The following ITGB7 variants were observed in gnomAD, a reference collection of about 807,000 sequenced individuals.
ITGB7 encodes the protein integrin subunit beta 7.
A neutral mutation model predicts 83.4 loss-of-function variants in ITGB7; 55 were observed. The observed-to-expected ratio is 0.66, with a 90% CI of 0.53 to 0.83. ITGB7 has a LOEUF of 0.83. ITGB7 is among the 40% of genes least tolerant of loss of function. The pLI is 0.00. For synonymous variants in ITGB7, 454 were observed against 423.6 expected, an observed-to-expected ratio of 1.07 and a Z score of -0.88; for missense variants, 921 against 1,046.7, an observed-to-expected ratio of 0.88 and a Z score of 1.66.
chr12:53,197,856 G>A lies in ITGB7; in HGVS notation c.297C>T (p.Pro99=). The A allele has an allele frequency of 1.3e-6, 2 of 1,532,780 alleles. No homozygotes were observed. Among genetic ancestry groups the A allele is most frequent in the South Asian group, 1.2e-5 (1 of 84,024 alleles). The allele number at this position is 1,532,780 out of a possible 1,614,324, so 94.9% of individuals were successfully genotyped here. A position where few individuals can be genotyped will look rare whatever the true frequency, so the allele number is the denominator to read the frequency against. ...RGCPLEELEE[P]RGQQEVLQDQ... is the part of the protein sequence containing the mutation. The stretch of plus-strand genomic sequence containing the variant: ...CCTGCAGCACCTCCTGCTGGCCGCG[G>A]GGCTCCTCCAGCTCCTCCAGCGGGC... The change falls in exon 4 of 16, where the codon CCC becomes CCT. Residue 99 remains proline (P), a synonymous_variant. Coordinates refer to ENST00000267082, the MANE Select transcript of ITGB7 (RefSeq NM_000889.3).
intron 5 of ITGB7, 140 bp from the exon 6 acceptor site, chr12:53,196,960 G>A: frequency 1.1e-6 from 1 of 933,008 alleles, no homozygotes. Context: ...CCTGGTAACT[G>A]GCAAGCAAAG....
At position 53,192,413 on chromosome 12, in the gene ITGB7, C is replaced by T. The variant is rs1379621736; in HGVS notation, c.2072G>A (p.Arg691Gln). The T allele has an allele frequency of 8.7e-6, 14 of 1,614,108 alleles. No individual in the cohort carries two copies. The highest frequency in any genetic ancestry group is 2.2e-5 in the South Asian group (2 of 91,064). ...GAAGAACAGCTGGTTGTCCAGGGTC[C>T]GCTCTTTGCACCAGCCATCATCCAA... Reference protein sequence around the residue: ...PILDDGWCKERTLDNQLFFFL... With the variant: ...PILDDGWCKEQTLDNQLFFFL... The change falls in exon 14 of 16, where the codon CGG becomes CAG. Residue 691 changes from arginine to glutamine, a missense_variant. Arg to Gln is a conservative substitution (Grantham distance 43, BLOSUM62 1). Transcript: ENST00000267082.
chr12:53,195,680 T>A lies in ITGB7; in HGVS notation c.1017A>T (p.Ala339=). The A allele has an allele frequency of 1.2e-6, 2 of 1,614,082 alleles. No individual in the cohort carries two copies. Among genetic ancestry groups the A allele is most frequent in the Non-Finnish European group, 1.7e-6 (2 of 1,179,974 alleles). ...SVGQVAQALS[A]ANIQPIFAVT... ...CAGCAAAGATGGGCTGGATATTTGCTGCAGAGAGGGCCTGGGCTACCTGAC... is the reference window on the plus strand; with the variant it reads ...CAGCAAAGATGGGCTGGATATTTGCAGCAGAGAGGGCCTGGGCTACCTGAC... The change falls in exon 8 of 16, where the codon GCA becomes GCT. Residue 339 remains alanine, a synonymous_variant. Transcript: ENST00000267082.
Position 53,193,851 on chromosome 12 carries a change from A to ATGGGGCTCTGGGAGGCAGTGGGTGGCT in ITGB7, c.1332_1358dup (p.Gln444_Pro452dup). On this transcript the variant is annotated inframe_insertion, in exon 11 of 16. Transcript: ENST00000267082. ...AGCCAAGGGCCCGGAGCCTCAGGAG[A>ATGGGGCTCTGGGAGGCAGTGGGTGGCT]TGGGGCTCTGGGAGGCAGTGGGTGG... 6.2e-7 allele frequency: 1 copy of ATGGGGCTCTGGGAGGCAGTGGGTGGCT among 1,613,958 alleles called. No individual in the cohort carries two copies. The highest frequency in any genetic ancestry group is 8.5e-7 in the Non-Finnish European group (1 of 1,179,956).
intron 8 of ITGB7, 41 bp downstream of exon 8, chr12:53,195,585 T>G (rs752105636): frequency 6.4e-7 from 1 of 1,570,010 alleles, no homozygotes; most frequent in South Asian, 1.1e-5. Context: ...TGAGAAAGGT[T>G]GGGATGGGGC....
At chr12:53,194,000 G>A in intron 10 of ITGB7, 99 bp from the exon 11 acceptor site, 1 of 1,346,138 alleles carries the variant, frequency 7.4e-7, no homozygotes, top group South Asian at 1.4e-5. Flanking sequence ...GTAAATGAAG[G>A]GATGGGGTCA....
At chr12:53,202,128 G>A (rs75215316) in intron 1 of ITGB7, among the ~76,000 whole-genome samples, 1 of 151,964 alleles carries the variant, frequency 6.6e-6, no homozygotes, top group African/African-American at 2.4e-5. Flanking sequence ...GGAGGCCGAG[G>A]CAGGTGGATC....
intron 15 of ITGB7, 75 bp from the exon 16 acceptor site, chr12:53,191,711 C>A: frequency 6.5e-7 from 1 of 1,535,936 alleles, no homozygotes; most frequent in Non-Finnish European, 9.0e-7. Flanking sequence ...AAGAGGCCAG[C>A]CTTGAGCCGA....
At chr12:53,196,452 T>C in intron 6 of ITGB7, 127 bp downstream of exon 6, 2 of 1,330,776 alleles carry the variant, frequency 1.5e-6, no homozygotes. Context: ...AGGTAATTGC[T>C]AAATATACAA....
chr12:53,196,470 C>T (rs1942163750), intron 6 of ITGB7, 109 bp downstream of exon 6: 2 of 1,390,466 alleles, frequency 1.4e-6, no homozygotes, highest in East Asian at 2.4e-5. Flanking sequence ...CAAACTACAG[C>T]AACTATGGTA....
rs575232324 is a variant in ITGB7, at chr12:53,194,771, A to G, written c.1162-427T>C. 17 of 176,594 alleles carry G rather than the reference A, an allele frequency of 9.6e-5. No individual in the cohort carries two copies. In the East Asian group the frequency reaches 1.7e-3, roughly 18 times the overall value. 10.9% of individuals were successfully genotyped at this position (176,594 alleles called of 1,614,324 possible). On this transcript the variant is annotated intron_variant, in intron 9 of 15. Transcript: ENST00000267082. ...GGTTTAGGAGATGCTCCCTGTTATC[A>G]AGAAGCCTACAGCCTAGTTGCAGAG... is the stretch of plus-strand genomic sequence containing the variant.
At position 53,195,638 on chromosome 12, in the gene ITGB7, C is replaced by T; in HGVS notation, c.1059G>A (p.Leu353=). The part of the protein sequence containing the change: ...QPIFAVTSAA[L]PVYQELSKLI... ...AGACAGCTCTCACCTGGTAGACAGG[C>T]AGTGCGGCACTGGTGACAGCAAAGA... The change falls in exon 8 of 16, where the codon CTG becomes CTA. Residue 353 remains leucine, a synonymous_variant. Transcript: ENST00000267082. 1.2e-6 allele frequency: 2 copies of T among 1,613,788 alleles called. No homozygotes were observed. Among genetic ancestry groups the T allele is most frequent in the African/African-American group, 1.3e-5 (1 of 75,008 alleles).
rs999733791 is a variant in ITGB7, at chr12:53,200,278, G to T, written c.166C>A (p.Leu56Ile). The change falls in exon 3 of 16, where the codon CTC (leucine) becomes ATC (isoleucine). Residue 56 changes from leucine (L) to isoleucine (I), a missense_variant. Leu to Ile is a conservative substitution (Grantham distance 5). Transcript: ENST00000267082. ...CACCATGCACAGCTGGGGTGTGAGA[G>T]GATGCACTTCTGGCAGGAGGGGGCT... ...QPAPSCQKCI[L>I]SHPSCAWCKQ... 4.3e-6 allele frequency: 7 copies of T among 1,614,116 alleles called. No homozygotes were observed. The South Asian group carries it at 7.7e-5, about 18-fold the overall frequency.
chr12:53,196,160 A>G lies in ITGB7; in HGVS notation c.856T>C (p.Phe286Leu), dbSNP rs1942153603. The change falls in exon 7 of 16, where the codon TTC becomes CTC. Residue 286 changes from phenylalanine (F) to leucine (L), a missense_variant. By Grantham distance (22) the Phe-to-Leu change is conservative (BLOSUM62 0). Transcript: ENST00000267082. ...GWRNVSRLLV[F>L]TSDDTFHTAG... ...GTATGGAATGTGTCGTCTGAAGTGA[A>G]CACCAGCAGCCGGGACACATTTCTC... is the stretch of plus-strand genomic sequence containing the variant. The G allele has an allele frequency of 6.2e-7, 1 of 1,614,124 alleles. No homozygotes were observed. Among genetic ancestry groups the G allele is most frequent in the Non-Finnish European group, 8.5e-7 (1 of 1,179,992 alleles).
intron 1 of ITGB7, among the ~76,000 whole-genome samples, chr12:53,205,127 A>C (rs1026425825): frequency 6.6e-6 from 1 of 151,958 alleles, no homozygotes; most frequent in African/African-American, 2.4e-5. Flanking sequence ...GCCTGGCCTT[A>C]AATTGTTTCT....
chr12:53,198,032 G>T (rs1942227071), intron 3 of ITGB7, 81 bp from the exon 4 acceptor site: 1 of 1,181,452 alleles, frequency 8.5e-7, no homozygotes, highest in Admixed American at 2.3e-5. Context: ...CTGCAAACCC[G>T]GCCACCTCTA....
chr12:53,204,446 G>GCTC (rs1313857144), intron 1 of ITGB7, among the ~76,000 whole-genome samples: 16 of 151,432 alleles, frequency 1.1e-4, no homozygotes, highest in Non-Finnish European at 2.2e-4. Context: ...TTGAAAACAT[G>GCTC]CTCAGTGAAC....
At chr12:53,196,011 G>A in intron 7 of ITGB7, 30 bp downstream of exon 7, 1 of 1,609,024 alleles carries the variant, frequency 6.2e-7, no homozygotes, top group South Asian at 1.1e-5. Flanking sequence ...GGCTGAAATG[G>A]GGAGAGGCAG....
chr12:53,195,186 T>G lies in ITGB7; in HGVS notation c.1161+188A>C. ...AGCTCCATGCTGTCTGCATGTCAGA[T>G]GTTTTAAGATTTATGAATGTAAGAT... On this transcript the variant is annotated intron_variant, in intron 9 of 15. Coordinates refer to ENST00000267082, the MANE Select transcript of ITGB7 (RefSeq NM_000889.3). 8.4e-6 allele frequency: 5 copies of G among 595,684 alleles called. No individual in the cohort carries two copies. The Middle Eastern group carries it at 2.2e-3, about 266-fold the overall frequency. The allele number at this position is 595,684 out of a possible 1,614,324, so 36.9% of individuals were successfully genotyped here.
Sources: allele counts gnomAD v4.1 joint callset (sites outside exome capture counted in the v4.1 genomes callset), GRCh38; gene constraint gnomAD v4.1.1; transcripts MANE v1.5; gene names NCBI Gene and HGNC (gene_info 2026-07-23, HGNC 2026-07-21).